Variants in RBFOX1 observed in about 807,000 individuals in gnomAD.
RBFOX1 encodes RNA binding fox-1 homolog 1.
Under a neutral mutation model 57.7 loss-of-function variants are expected in RBFOX1, and 8 were observed. The ratio of observed to expected loss-of-function variants is 0.14; its 90% CI spans 0.08 to 0.25. RBFOX1 has a LOEUF of 0.25. Among genes scored for constraint, RBFOX1 ranks in the 10% least tolerant of loss-of-function variants. The pLI, the probability that RBFOX1 is intolerant of heterozygous loss-of-function variation, is 1.00. For synonymous variants in RBFOX1, 326 were observed against 222.4 expected (o/e 1.47, Z -4.15); for missense variants, 611 against 548.5 (o/e 1.11, Z -1.14).
rs187364468 is a variant in RBFOX1 at position 6,185,180 on chromosome 16, T to C, written c.-126-131815T>C. On this transcript the variant is annotated intron_variant, in intron 1 of 15. Coordinates refer to ENST00000550418, the MANE Select transcript of RBFOX1 (RefSeq NM_018723.4). ...CATCCTTCACCATGTGCACAGGCTCTAATATATTCAACATTTAAAAAAATT... is the reference window on the plus strand; with the variant it reads ...CATCCTTCACCATGTGCACAGGCTCCAATATATTCAACATTTAAAAAAATT... 2.8e-4 allele frequency among the ~76,000 whole-genome samples: 42 copies of C among 152,318 alleles called. No individual in the cohort carries two copies. The East Asian group carries it at 7.7e-3, about 28-fold the overall frequency.
At chr16:7,017,928 G>T (rs1318305885) in intron 3 of RBFOX1, among the ~76,000 whole-genome samples, 1 of 152,142 alleles carries the variant, frequency 6.6e-6, no homozygotes, top group Non-Finnish European at 1.5e-5. Context: ...TGCTATATTT[G>T]CAAACTGTCG....
At chr16:6,416,618 A>G (rs1322109918) in intron 2 of RBFOX1, among the ~76,000 whole-genome samples, 1 of 152,168 alleles carries the variant, frequency 6.6e-6, no homozygotes, top group Non-Finnish European at 1.5e-5. Flanking sequence ...TTATGTCCTC[A>G]GTAAGAACCC....
intron 4 of RBFOX1, among the ~76,000 whole-genome samples, chr16:7,156,512 C>T (rs909008855): frequency 1.3e-5 from 2 of 151,934 alleles, no homozygotes; most frequent in Non-Finnish European, 2.9e-5. Context: ...TACATGTACA[C>T]ATGCATGTAG....
At chr16:7,709,736 GTTT>G in intron 15 of RBFOX1, 1 of 603,438 alleles carries the variant, frequency 1.7e-6, no homozygotes, top group Non-Finnish European at 2.0e-6. Context: ...GCAGGTCTGG[GTTT>G]TTGTTTTGGG....
intron 2 of RBFOX1, among the ~76,000 whole-genome samples, chr16:6,529,656 A>G (rs1270393726): frequency 6.6e-6 from 1 of 152,062 alleles, no homozygotes; most frequent in Non-Finnish European, 1.5e-5. Flanking sequence ...GTATGAAGTA[A>G]GATACTACAG....
At chr16:6,934,538 T>C (rs1009939805) in intron 3 of RBFOX1, among the ~76,000 whole-genome samples, 1 of 152,096 alleles carries the variant, frequency 6.6e-6, no homozygotes, top group African/African-American at 2.4e-5. Flanking sequence ...GGAGTACTAT[T>C]TGGACATAAA....
chr16:5,778,723 G>A (rs2054229845), intron 3 of RBFOX1, among the ~76,000 whole-genome samples: 1 of 152,102 alleles, frequency 6.6e-6, no homozygotes, highest in Non-Finnish European at 1.5e-5. Context: ...TCACTATGAG[G>A]GTGAATAGGA....
Position 5,995,127 on chromosome 16 carries a change from G to T in RBFOX1, c.351+127792G>T, listed in dbSNP as rs558791682. Among the ~76,000 whole-genome samples, 3 of 152,234 alleles carry T rather than the reference G, an allele frequency of 2.0e-5. No homozygotes were observed. The South Asian group carries it at 6.2e-4, about 32-fold the overall frequency. On this transcript the variant is annotated intron_variant, in intron 4 of 19. Transcript: ENST00000641259. ...ATTTCTGTACCTTACACTATAACCT[G>T]CTTCGAAATGTTAAGTGTTTTAAAA...
intron 4 of RBFOX1, among the ~76,000 whole-genome samples, chr16:7,417,941 G>A (rs2098500475): frequency 6.6e-6 from 1 of 151,932 alleles, no homozygotes; most frequent in Non-Finnish European, 1.5e-5. Flanking sequence ...TACCCTGTTG[G>A]CCCTAGTATG....
At chr16:5,890,090 C>A (rs149647515) in intron 4 of RBFOX1, among the ~76,000 whole-genome samples, 2 of 152,286 alleles carry the variant, frequency 1.3e-5, no homozygotes, top group Admixed American at 1.3e-4. Flanking sequence ...ACTGCCAGAT[C>A]TTGGGTAAAC....
chr16:7,607,776 G>C (rs146243435), intron 10 of RBFOX1, among the ~76,000 whole-genome samples: 3 of 152,318 alleles, frequency 2.0e-5, no homozygotes, highest in African/African-American at 7.2e-5. Context: ...ATGTGGGAGT[G>C]ATTTAGAATT....
At chr16:5,884,838 G>C (rs992920022) in intron 4 of RBFOX1, among the ~76,000 whole-genome samples, 3 of 152,098 alleles carry the variant, frequency 2.0e-5, no homozygotes, top group African/African-American at 7.2e-5. Context: ...GAGGGGCTTT[G>C]GTGCTCTGGA....
chr16:7,584,368 C>T (rs1000798025), intron 6 of RBFOX1, among the ~76,000 whole-genome samples: 8 of 152,206 alleles, frequency 5.3e-5, no homozygotes, highest in African/African-American at 1.4e-4. Flanking sequence ...TCTTGGTTCA[C>T]TGCAACCTCC....
intron 4 of RBFOX1, among the ~76,000 whole-genome samples, chr16:7,151,566 A>G (rs1213960142): frequency 6.6e-6 from 1 of 152,160 alleles, no homozygotes; most frequent in Non-Finnish European, 1.5e-5. Context: ...GACTGGTTTC[A>G]TGGAAGACAA....
In RBFOX1 at chr16:6,654,832, C is replaced by T. The variant is rs371561187; in HGVS notation, c.-16+182C>T. The stretch of plus-strand genomic sequence containing the variant: ...TTTTACTCCTTTACAATCTGTGTTA[C>T]TTCTGATGGCTTCATGAGGAGTGCA... On this transcript the variant is annotated intron_variant, in intron 3 of 15. Transcript: ENST00000550418. Among the ~76,000 whole-genome samples, 24 of 152,186 alleles carry T rather than the reference C, an allele frequency of 1.6e-4. No homozygotes were observed. In the East Asian group the frequency reaches 3.3e-3, roughly 21 times the overall value.
intron 4 of RBFOX1, among the ~76,000 whole-genome samples, chr16:6,003,486 G>A (rs1235289762): frequency 1.2e-5 from 1 of 80,702 alleles, no homozygotes; most frequent in Non-Finnish European, 2.5e-5. Context: ...CCTCCCACCC[G>A]GCCCATTGTT....
intron 3 of RBFOX1, among the ~76,000 whole-genome samples, chr16:6,905,586 C>T (rs1032427517): frequency 2.6e-5 from 4 of 151,648 alleles, no homozygotes; most frequent in Admixed American, 2.6e-4. Context: ...TTTGGTTACC[C>T]CTTCAAATCA....
intron 2 of RBFOX1, among the ~76,000 whole-genome samples, chr16:5,474,401 C>T (rs2069246323): frequency 6.6e-6 from 1 of 152,188 alleles, no homozygotes; most frequent in Admixed American, 6.5e-5. Flanking sequence ...CTCCTGTGAT[C>T]CCAGCACTTT....
chr16:6,432,839 G>A (rs577088147), intron 2 of RBFOX1, among the ~76,000 whole-genome samples: 28 of 152,188 alleles, frequency 1.8e-4, no homozygotes, highest in Non-Finnish European at 3.7e-4. Flanking sequence ...TTAGCTGGGC[G>A]TGGTGGTGCA....
Sources: allele counts gnomAD v4.1 joint callset (sites outside exome capture counted in the v4.1 genomes callset), GRCh38; gene constraint gnomAD v4.1.1; transcripts MANE v1.5; gene names NCBI Gene and HGNC (gene_info 2026-07-23, HGNC 2026-07-21).